EIF5A2: variants seen among roughly 807,000 people sequenced by gnomAD.
The protein encoded by EIF5A2 is eukaryotic translation initiation factor 5A2.
In EIF5A2, 15 loss-of-function variants were observed where a neutral mutation model predicts 16.4. The ratio of observed to expected loss-of-function variants is 0.92; its 90% CI spans 0.61 to 1.41. The LOEUF is 1.41. EIF5A2 is among the 40% of genes most tolerant of loss of function. EIF5A2 has a pLI of 0.00. For missense variants in EIF5A2, 144 were observed against 189.5 expected, an observed-to-expected ratio of 0.76 and a Z score of 1.41; for synonymous variants, 48 against 61.1, an observed-to-expected ratio of 0.79 and a Z score of 1.00.
intron 3 of EIF5A2, among the ~76,000 whole-genome samples, chr3:170,903,846 A>G (rs1159430092): frequency 1.3e-5 from 2 of 152,268 alleles, no homozygotes; most frequent in African/African-American, 4.8e-5. Context: ...AGAATATACT[A>G]GAATTTAATA....
chr3:170,906,418 T>C (rs1340835041), intron 3 of EIF5A2, among the ~76,000 whole-genome samples: 1 of 152,200 alleles, frequency 6.6e-6, no homozygotes, highest in Non-Finnish European at 1.5e-5. Context: ...GCATGGTCAC[T>C]AAGTATAATT....
At chr3:170,902,062 A>T (rs770150910) in intron 3 of EIF5A2, among the ~76,000 whole-genome samples, 1 of 152,180 alleles carries the variant, frequency 6.6e-6, no homozygotes, top group East Asian at 1.9e-4. Context: ...ATTGAGTGGA[A>T]GTAGCATATA....
At chr3:170,898,526 G>A (rs544068837) in intron 3 of EIF5A2, among the ~76,000 whole-genome samples, 1 of 152,186 alleles carries the variant, frequency 6.6e-6, no homozygotes, top group Non-Finnish European at 1.5e-5. Context: ...CTCTCCTGCT[G>A]CCATATAAAA....
Position 170,893,042 on chromosome 3 carries a change from A to G in EIF5A2, c.*318T>C, listed in dbSNP as rs1477546462. The G allele has an allele frequency of 2.4e-6, 1 of 422,284 alleles. No individual in the cohort carries two copies. Among genetic ancestry groups the G allele is most frequent in the Non-Finnish European group, 4.1e-6 (1 of 241,188 alleles). 26.2% of individuals were successfully genotyped at this position (422,284 alleles called of 1,614,324 possible). ...GTTTGATTTAAAACCCTGGTTTATC[A>G]TCTAACTAAAACACAGGAATGATTT... On this transcript the variant is annotated 3_prime_UTR_variant, in exon 5 of 5. Coordinates refer to ENST00000295822, the MANE Select transcript of EIF5A2 (RefSeq NM_020390.6).
At chr3:170,894,779 C>T (rs144015670) in intron 3 of EIF5A2, among the ~76,000 whole-genome samples, 1,598 of 150,700 alleles carry the variant, frequency 0.011, 21 homozygotes, top group Non-Finnish European at 0.013. Context: ...GTAATCCCAG[C>T]ACTTTGGGAG....
chr3:170,898,903 T>G (rs566217266), intron 3 of EIF5A2, among the ~76,000 whole-genome samples: 44 of 152,046 alleles, frequency 2.9e-4, no homozygotes, highest in Non-Finnish European at 5.1e-4. Flanking sequence ...CCAAAGATCA[T>G]GATTCTTCAG....
chr3:170,899,776 T>C (rs1052890653), intron 3 of EIF5A2, among the ~76,000 whole-genome samples: 2 of 151,912 alleles, frequency 1.3e-5, no homozygotes, highest in Non-Finnish European at 2.9e-5. Context: ...TCCCCAAGCA[T>C]ATTTTTGTGC....
intron 1 of EIF5A2, 39 bp from the exon 2 acceptor site, chr3:170,907,880 A>G: frequency 7.1e-7 from 1 of 1,418,102 alleles, no homozygotes; most frequent in Non-Finnish European, 9.4e-7. Flanking sequence ...AACAACGGGT[A>G]TGTAGGCAGG....
Position 170,903,985 on chromosome 3 carries a change from C to T in EIF5A2, c.270+3004G>A, listed in dbSNP as rs548848682. On this transcript the variant is annotated intron_variant, in intron 3 of 4. Coordinates refer to ENST00000295822, the MANE Select transcript of EIF5A2 (RefSeq NM_020390.6). ...GGTAAAACTGTAGTAAATGCAGAAA[C>T]GGCATTTAACTTGTGGTGAAGTTCA... 8.5e-5 allele frequency among the ~76,000 whole-genome samples: 13 copies of T among 152,254 alleles called. No individual in the cohort carries two copies. In the South Asian group the frequency reaches 1.4e-3, roughly 17 times the overall value.
chr3:170,900,262 G>A (rs1479500381), intron 3 of EIF5A2, among the ~76,000 whole-genome samples: 2 of 151,380 alleles, frequency 1.3e-5, no homozygotes, highest in Non-Finnish European at 2.9e-5. Flanking sequence ...AGCTACTTGG[G>A]AGGCTGAGGC....
chr3:170,899,569 A>G (rs950768876), intron 3 of EIF5A2, among the ~76,000 whole-genome samples: 1 of 152,030 alleles, frequency 6.6e-6, no homozygotes, highest in African/African-American at 2.4e-5. Flanking sequence ...TTTGAAAGGA[A>G]TACTATACAA....
chr3:170,899,431 T>G (rs1484386365), intron 3 of EIF5A2, among the ~76,000 whole-genome samples: 1 of 152,094 alleles, frequency 6.6e-6, no homozygotes, highest in Admixed American at 6.6e-5. Flanking sequence ...TAATTTTTAT[T>G]TTTTGTAGAT....
At chr3:170,899,368 C>CAT (rs1260042904) in intron 3 of EIF5A2, among the ~76,000 whole-genome samples, 3 of 150,702 alleles carry the variant, frequency 2.0e-5, no homozygotes, top group Admixed American at 6.6e-5. Context: ...TTACTGGGAC[C>CAT]ATAGGCATAC....
intron 3 of EIF5A2, among the ~76,000 whole-genome samples, chr3:170,895,914 G>A (rs906257249): frequency 1.3e-5 from 2 of 152,184 alleles, no homozygotes; most frequent in Admixed American, 1.3e-4. Flanking sequence ...GGGGTCAAGT[G>A]AGCCTCTGCT....
At chr3:170,900,367 A>G (rs901877467) in intron 3 of EIF5A2, among the ~76,000 whole-genome samples, 11 of 91,334 alleles carry the variant, frequency 1.2e-4, no homozygotes, top group African/African-American at 4.3e-4. Context: ...ACTCCATCTC[A>G]AAAAAAAAAA....
At chr3:170,907,508 C>A in intron 2 of EIF5A2, 134 bp downstream of exon 2, 1 of 1,008,122 alleles carries the variant, frequency 9.9e-7, no homozygotes, top group Non-Finnish European at 1.4e-6. Context: ...TAACTGATTA[C>A]CCAGTAATTG....
intron 3 of EIF5A2, among the ~76,000 whole-genome samples, chr3:170,898,741 G>A (rs1393979957): frequency 6.6e-6 from 1 of 152,000 alleles, no homozygotes; most frequent in Non-Finnish European, 1.5e-5. Context: ...TAGAAAAGTT[G>A]CAATAATGCA....
chr3:170,896,592 C>G (rs1429986992), intron 3 of EIF5A2, among the ~76,000 whole-genome samples: 1 of 152,158 alleles, frequency 6.6e-6, no homozygotes, highest in African/African-American at 2.4e-5. Context: ...TTCCCCTTCG[C>G]CTTCTGCCGT....
Position 170,906,429 on chromosome 3 carries a change from TAACC to T in EIF5A2, c.270+556_270+559del, listed in dbSNP as rs376969177. Among the ~76,000 whole-genome samples, 215 of 152,328 alleles carry T rather than the reference TAACC, an allele frequency of 1.4e-3. 1 individual carries two copies. Among genetic ancestry groups the T allele is most frequent in the African/African-American group, 5.0e-3 (209 of 41,588 alleles). On this transcript the variant is annotated intron_variant, in intron 3 of 4. Transcript: ENST00000295822. ...CATAGCATGGTCACTAAGTATAATT[TAACC>T]AATTATATAGTTTTTGTGTTTTCTT...
Sources: gnomAD v4.1 joint callset for allele counts (sites outside exome capture counted in the v4.1 genomes callset) on GRCh38, gnomAD v4.1.1 for gene constraint, MANE v1.5 for transcripts, NCBI Gene and HGNC (gene_info 2026-07-23, HGNC 2026-07-21) for gene names.